The following CLCN6 variants were observed in gnomAD, a reference collection of about 807,000 sequenced individuals.
CLCN6 encodes the protein Cl-/H+ antiporter 6.
A neutral mutation model predicts 109.8 loss-of-function variants in CLCN6; 70 were observed. The ratio of observed to expected loss-of-function variants is 0.64; its 90% CI spans 0.53 to 0.78. CLCN6 has a LOEUF of 0.78. CLCN6 is among the 30% of genes least tolerant of loss of function. The pLI is 0.00. For synonymous variants in CLCN6, 444 were observed against 447.8 expected (o/e 0.99, Z 0.11); for missense variants, 984 against 1,142.3 (o/e 0.86, Z 2.00).
Position 11,834,439 on chromosome 1 carries a change from T to G in CLCN6, c.1686+44T>G. ...GGCCCCTGTCAGGCTCAGGGCCACG[T>G]CCGCCCCACAGGACCTATTTTTAGG... On this transcript the variant is annotated intron_variant, in intron 16 of 22. Coordinates refer to ENST00000346436, the MANE Select transcript of CLCN6 (RefSeq NM_001286.5). This position sits in a 1 kb window ranked among gnomAD's most constrained non-coding sequence, Gnocchi z 4.5. The G allele has an allele frequency of 6.2e-7, 1 of 1,613,356 alleles. No individual in the cohort carries two copies. The highest frequency in any genetic ancestry group is 8.5e-7 in the Non-Finnish European group (1 of 1,179,414).
Position 11,834,390 on chromosome 1 carries a change from C to A in CLCN6, c.1681C>A (p.Leu561Met). The change falls in exon 16 of 23, where the codon CTG becomes ATG. Residue 561 changes from leucine (L) to methionine (M), a missense_variant. Physicochemically the swap from Leu to Met is conservative, Grantham distance 15. Coordinates refer to ENST00000346436, the MANE Select transcript of CLCN6 (RefSeq NM_001286.5). This position sits in a 1 kb window ranked among gnomAD's most constrained non-coding sequence, Gnocchi z 4.5. ...ITYGLPIMVT[L>M]MVAKWTGDFF... ...CTACGGGCTCCCCATCATGGTCACA[C>A]TGATGGTGAGCACACTCCCTCCAGG... 6.2e-7 allele frequency: 1 copy of A among 1,613,932 alleles called. No individual in the cohort carries two copies. Among genetic ancestry groups the A allele is most frequent in the Non-Finnish European group, 8.5e-7 (1 of 1,179,882 alleles).
chr1:11,810,771 T>TA (rs869237803), intron 2 of CLCN6, among the ~76,000 whole-genome samples: 10 of 148,854 alleles, frequency 6.7e-5, no homozygotes, highest in South Asian at 2.1e-4. Flanking sequence ...CTAATTTATT[T>TA]AAAAAAAAAA....
intron 2 of CLCN6, among the ~76,000 whole-genome samples, chr1:11,811,625 G>A (rs991865162): frequency 6.6e-6 from 1 of 152,060 alleles, no homozygotes; most frequent in Non-Finnish European, 1.5e-5. Context: ...CGGGTGATCC[G>A]CCCGCCTTGG....
chr1:11,837,260 T>C (rs1373748922), intron 19 of CLCN6, 83 bp from the exon 20 acceptor site: 46 of 1,586,008 alleles, frequency 2.9e-5, no homozygotes, highest in Non-Finnish European at 3.7e-5. Context: ...CTGGGAAAGT[T>C]GGATGGGGAG....
rs750765283 is a variant in CLCN6 at position 11,834,122 on chromosome 1, G to C, written c.1526+92G>C. 6.3e-7 allele frequency: 1 copy of C among 1,592,784 alleles called. No homozygotes were observed. Among genetic ancestry groups the C allele is most frequent in the Admixed American group, 1.8e-5 (1 of 56,406 alleles). On this transcript the variant is annotated intron_variant, in intron 15 of 22. Transcript: ENST00000346436. This position sits in a 1 kb window ranked among gnomAD's most constrained non-coding sequence, Gnocchi z 4.5. ...TGTGTGCGTGTGCGTGCGTTGATGT[G>C]TCTGTGCCCATGCATGCACATATGT...
At chr1:11,819,826 C>A (rs1644719116) in intron 5 of CLCN6, among the ~76,000 whole-genome samples, 1 of 152,116 alleles carries the variant, frequency 6.6e-6, no homozygotes, top group South Asian at 2.1e-4. Context: ...AATCAAAATT[C>A]CAATAGAATT....
intron 4 of CLCN6, among the ~76,000 whole-genome samples, chr1:11,817,180 CCTT>C (rs1644684084): frequency 6.6e-6 from 1 of 152,120 alleles, no homozygotes; most frequent in South Asian, 2.1e-4. Flanking sequence ...GCAGCCTCGA[CCTT>C]CTGGGCTTGG....
rs74745128 is a variant in CLCN6, at chr1:11,833,053, T to G, written c.1249-462T>G. On this transcript the variant is annotated intron_variant, in intron 13 of 22. Transcript: ENST00000346436. ...TTTTTTGTAGCAAATTGCAGCAAAATCAAAGGCTTTTTCTATTTGGAACCA... is the reference window on the plus strand; with the variant it reads ...TTTTTTGTAGCAAATTGCAGCAAAAGCAAAGGCTTTTTCTATTTGGAACCA... 1.1e-3 allele frequency among the ~76,000 whole-genome samples: 166 copies of G among 148,818 alleles called. 4 individuals carry two copies. The East Asian group carries it at 0.032, about 28-fold the overall frequency.
In CLCN6 at chr1:11,823,835, TAAG is replaced by T; in HGVS notation, c.580+6_580+8del. On this transcript the variant is annotated splice_donor_5th_base_variant and intron_variant, in intron 7 of 22. Coordinates refer to ENST00000346436, the MANE Select transcript of CLCN6 (RefSeq NM_001286.5). ...GAGTGCTGTTCAGTGTGGCTGGAGG[TAAG>T]AAGGGTCCAACTTGTATCCTTCAAA... 1.2e-6 allele frequency: 2 copies of T among 1,614,090 alleles called. No individual in the cohort carries two copies. The highest frequency in any genetic ancestry group is 1.7e-6 in the Non-Finnish European group (2 of 1,179,994).
At chr1:11,817,154 G>A (rs1175952685) in intron 4 of CLCN6, among the ~76,000 whole-genome samples, 5 of 152,150 alleles carry the variant, frequency 3.3e-5, no homozygotes, top group Admixed American at 6.5e-5. Flanking sequence ...GCACAGTGGC[G>A]TAATCACAGT....
rs758947206 is a variant in CLCN6, at chr1:11,834,979, T to G, written c.1793+389T>G. Among the ~76,000 whole-genome samples the G allele has an allele frequency of 1.3e-5, 2 of 152,206 alleles. No individual in the cohort carries two copies. The highest frequency in any genetic ancestry group is 2.4e-5 in the African/African-American group (1 of 41,452). The stretch of plus-strand genomic sequence containing the variant: ...AGAATGCCCTACTGCCAGCCGGGAT[T>G]GTTCTGGGCATAATCACCTCATAAC... On this transcript the variant is annotated intron_variant, in intron 17 of 22. Transcript: ENST00000346436. The surrounding 1 kb of genome is among the most constrained non-coding windows in gnomAD (Gnocchi z 4.5).
In CLCN6 at chr1:11,823,312, C is replaced by T. The variant is rs544434449; in HGVS notation, c.454-395C>T. On this transcript the variant is annotated intron_variant, in intron 6 of 22. Transcript: ENST00000346436. ...TCTCTAGTAAAAATACAAAATTAGC[C>T]GGTAAAAATACAAAATTAGCCGGGC... 3.8e-5 allele frequency among the ~76,000 whole-genome samples: 5 copies of T among 130,212 alleles called. No individual in the cohort carries two copies. In the South Asian group the frequency reaches 6.8e-4, roughly 18 times the overall value. 85.4% of individuals were successfully genotyped at this position (130,212 alleles called of 152,430 possible).
chr1:11,813,303 G>C (rs1184724733), intron 2 of CLCN6, among the ~76,000 whole-genome samples: 2 of 152,106 alleles, frequency 1.3e-5, no homozygotes, highest in African/African-American at 4.8e-5. Context: ...ACATATGTAG[G>C]TGCATATATG....
intron 5 of CLCN6, among the ~76,000 whole-genome samples, chr1:11,821,103 A>G (rs1389150146): frequency 6.6e-6 from 1 of 151,994 alleles, no homozygotes; most frequent in Non-Finnish European, 1.5e-5. Context: ...AAAAAAACAA[A>G]CAAAATCAAT....
chr1:11,819,427 G>C, intron 4 of CLCN6, 61 bp from the exon 5 acceptor site: 1 of 1,460,240 alleles, frequency 6.8e-7, no homozygotes, highest in South Asian at 1.1e-5. Flanking sequence ...GAGCACACCT[G>C]TACTATACTT....
intron 22 of CLCN6, 174 bp downstream of exon 22, chr1:11,838,834 C>T (rs747633584): frequency 1.1e-5 from 10 of 931,458 alleles, no homozygotes; most frequent in Non-Finnish European, 1.7e-5. Context: ...ACCCTTTCCC[C>T]TGCCTGCCAG....
rs994900233 is a variant in CLCN6 at position 11,834,110 on chromosome 1, G to A, written c.1526+80G>A. 14 of 1,591,648 alleles carry A rather than the reference G, an allele frequency of 8.8e-6. No homozygotes were observed. Among genetic ancestry groups the A allele is most frequent in the African/African-American group, 4.0e-5 (3 of 74,106 alleles). On this transcript the variant is annotated intron_variant, in intron 15 of 22. Coordinates refer to ENST00000346436, the MANE Select transcript of CLCN6 (RefSeq NM_001286.5). This position sits in a 1 kb window ranked among gnomAD's most constrained non-coding sequence, Gnocchi z 4.5. ...TGTGTATGCATGTGTGTGCGTGTGC[G>A]TGCGTTGATGTGTCTGTGCCCATGC...
Position 11,822,727 on chromosome 1 carries a change from G to C in CLCN6, c.379G>C (p.Ala127Pro). The C allele has an allele frequency of 6.2e-7, 1 of 1,613,980 alleles. No homozygotes were observed. The highest frequency in any genetic ancestry group is 8.5e-7 in the Non-Finnish European group (1 of 1,179,922). The change falls in exon 6 of 23, where the codon GCT (alanine) becomes CCT (proline). Residue 127 changes from alanine to proline, a missense_variant. By Grantham distance (27) the Ala-to-Pro change is conservative. Transcript: ENST00000346436. ...VEECSQKGCL[A>P]LSLLELLGFN... is the part of the protein sequence containing the mutation. Reference sequence around the variant, plus strand: ...GGAGTGCAGCCAGAAAGGCTGCCTCGCTCTGTCTCTCCTTGAACTCCTGGG... The same window carrying C: ...GGAGTGCAGCCAGAAAGGCTGCCTCCCTCTGTCTCTCCTTGAACTCCTGGG...
chr1:11,809,738 G>A (rs953801808), intron 2 of CLCN6, among the ~76,000 whole-genome samples: 4 of 152,316 alleles, frequency 2.6e-5, no homozygotes, highest in South Asian at 2.1e-4. Context: ...GATTACAAGC[G>A]TGAGCCACCA....
Sources: gnomAD v4.1 joint callset for allele counts (sites outside exome capture counted in the v4.1 genomes callset) on GRCh38, gnomAD v4.1.1 for gene constraint, Gnocchi (gnomAD v3.1) non-coding constraint, MANE v1.5 for transcripts, NCBI Gene and HGNC (gene_info 2026-07-23, HGNC 2026-07-21) for gene names.